RNPEPL1: variants seen among roughly 807,000 people sequenced by gnomAD.
RNPEPL1 encodes the protein aminopeptidase RNPEPL1.
A neutral mutation model predicts 69.0 loss-of-function variants in RNPEPL1; 46 were observed. The observed-to-expected ratio is 0.67, with a 90% CI of 0.53 to 0.85. The LOEUF (loss-of-function observed/expected upper bound fraction) is 0.85. RNPEPL1 is among the 40% of genes least tolerant of loss of function. The pLI is 0.00. For synonymous variants in RNPEPL1, 525 were observed against 454.1 expected, an observed-to-expected ratio of 1.16 and a Z score of -1.98; for missense variants, 869 against 992.5, an observed-to-expected ratio of 0.88 and a Z score of 1.67.
intron 4 of RNPEPL1, 105 bp downstream of exon 4, chr2:240,573,996 A>G: frequency 2.2e-6 from 3 of 1,368,568 alleles, no homozygotes; most frequent in Non-Finnish European, 3.0e-6. Flanking sequence ...CTGGGGAGGA[A>G]GCGGAGCTCA....
At position 240,573,360 on chromosome 2, in the gene RNPEPL1, C is replaced by G. The variant is rs2093027991; in HGVS notation, c.821+99C>G. ...TGTCCACGGCTGCCCTGCTGAGGAC[C>G]CCCACTGGCCTCTGGGTGCTCTGGG... On this transcript the variant is annotated intron_variant, in intron 3 of 10. Coordinates refer to ENST00000270357, the MANE Select transcript of RNPEPL1 (RefSeq NM_018226.6). 6 of 1,350,630 alleles carry G rather than the reference C, an allele frequency of 4.4e-6. No individual in the cohort carries two copies. In the African/African-American group the frequency reaches 4.5e-5, roughly 10 times the overall value. The allele number at this position is 1,350,630 out of a possible 1,614,324, so 83.7% of individuals were successfully genotyped here.
chr2:240,572,106 G>T (rs961169945), intron 1 of RNPEPL1, among the ~76,000 whole-genome samples: 1 of 152,268 alleles, frequency 6.6e-6, no homozygotes, highest in Non-Finnish European at 1.5e-5. Context: ...GCAATGATGG[G>T]CTATTCCCTT....
At position 240,568,864 on chromosome 2, in the gene RNPEPL1, C is replaced by G; in HGVS notation, c.278C>G (p.Ala93Gly). ...LRLHSAAFRR[A>G]PAAAAETPCA... ...CTGCACTCAGCCGCCTTCCGTCGCG[C>G]CCCCGCCGCCGCCGCCGAGACGCCC... is the stretch of plus-strand genomic sequence containing the variant. Residue 93 changes from alanine to glycine, a missense_variant, in exon 1 of 11, where the codon GCC becomes GGC. By Grantham distance (60) the Ala-to-Gly change is moderately conservative. Around this residue, in one of 2 missense-constraint regions of RNPEPL1, gnomAD observed 259 missense variants for 201.5 expected, o/e 1.29. Transcript: ENST00000270357. The surrounding 1 kb of genome is among the most constrained non-coding windows in gnomAD (Gnocchi z 6.2). The G allele has an allele frequency of 1.7e-6, 2 of 1,206,008 alleles. No homozygotes were observed. The highest frequency in any genetic ancestry group is 2.1e-6 in the Non-Finnish European group (2 of 966,652). The allele number at this position is 1,206,008 out of a possible 1,614,324, so 74.7% of individuals were successfully genotyped here. A position where few individuals can be genotyped will look rare whatever the true frequency, so the allele number is the denominator to read the frequency against.
At position 240,576,909 on chromosome 2, in the gene RNPEPL1, C is replaced by T; in HGVS notation, c.1803C>T (p.Ile601=). The change falls in exon 10 of 11, where the codon ATC becomes ATT. Residue 601 remains isoleucine (I), a synonymous_variant. Transcript: ENST00000270357. ...TGCTGGACTCGATGAACGCTGAGAT[C>T]CGCATCCGCTGGCTGCAGATTGTGG... The part of the protein sequence containing the change: ...SSLLDSMNAE[I]RIRWLQIVVR... The T allele has an allele frequency of 2.5e-6, 4 of 1,613,498 alleles. No individual in the cohort carries two copies. The highest frequency in any genetic ancestry group is 3.4e-6 in the Non-Finnish European group (4 of 1,179,986).
At position 240,575,486 on chromosome 2, in the gene RNPEPL1, C is replaced by T. The variant is rs748965626; in HGVS notation, c.1402-16C>T. 9 of 1,606,322 alleles carry T rather than the reference C, an allele frequency of 5.6e-6. No homozygotes were observed. Among genetic ancestry groups the T allele is most frequent in the Non-Finnish European group, 6.8e-6 (8 of 1,173,892 alleles). On this transcript the variant is annotated splice_polypyrimidine_tract_variant and intron_variant, in intron 7 of 10. Coordinates refer to ENST00000270357, the MANE Select transcript of RNPEPL1 (RefSeq NM_018226.6). ...CACCCTTCCAGGCCTGCTGAGGCCC[C>T]ACCTCTGCCACACAGGCCTATGTGG... is the stretch of plus-strand genomic sequence containing the variant.
Position 240,572,434 on chromosome 2 carries a change from GGACCCAGAGCT to G in RNPEPL1, c.545_555del (p.Pro182LeufsTer118). On this transcript the variant is annotated frameshift_variant, in exon 2 of 11. Coordinates refer to ENST00000270357, the MANE Select transcript of RNPEPL1 (RefSeq NM_018226.6). LOFTEE classifies it high-confidence loss of function. ...CATCCTGCCCACAGATCTGGTGGCTGGACCCAGAGCTGACCTATGGCTGCGCCAAGCCCTTC... is the reference window on the plus strand; with the variant it reads ...CATCCTGCCCACAGATCTGGTGGCTGGACCTATGGCTGCGCCAAGCCCTTC... 6.5e-7 allele frequency: 1 copy of G among 1,536,158 alleles called. No homozygotes were observed. Among genetic ancestry groups the G allele is most frequent in the Non-Finnish European group, 8.7e-7 (1 of 1,146,808 alleles).
At position 240,572,478 on chromosome 2, in the gene RNPEPL1, C is replaced by T; in HGVS notation, c.584C>T (p.Thr195Ile). Reference sequence around the variant, plus strand: ...GGCTGCGCCAAGCCCTTCGTCTTCACCCAGGGCCACTCCGTGTGCAACCGC... The same window carrying T: ...GGCTGCGCCAAGCCCTTCGTCTTCATCCAGGGCCACTCCGTGTGCAACCGC... ...TYGCAKPFVF[T>I]QGHSVCNRSF... The change falls in exon 2 of 11, where the codon ACC (threonine) becomes ATC (isoleucine). Residue 195 changes from threonine (T) to isoleucine (I), a missense_variant. Thr to Ile is a moderately conservative substitution (Grantham distance 89). Transcript: ENST00000270357. The T allele has an allele frequency of 6.5e-7, 1 of 1,536,274 alleles. No homozygotes were observed. Among genetic ancestry groups the T allele is most frequent in the Non-Finnish European group, 8.7e-7 (1 of 1,146,874 alleles).
At chr2:240,575,384 C>T (rs2093034653) in intron 7 of RNPEPL1, 118 bp from the exon 8 acceptor site, 4 of 908,682 alleles carry the variant, frequency 4.4e-6, no homozygotes, top group Non-Finnish European at 7.1e-6. Context: ...TGCCCACTAG[C>T]TGCCCCTGTG....
In RNPEPL1 at chr2:240,574,749, C is replaced by T. The variant is rs970139345; in HGVS notation, c.1288+121C>T. The stretch of plus-strand genomic sequence containing the variant: ...TCCTGCACTGTGCCTGGACCCCTGC[C>T]AAGGCCAAGCTGGGAGCCCCTGGCC... On this transcript the variant is annotated intron_variant, in intron 6 of 10. Coordinates refer to ENST00000270357, the MANE Select transcript of RNPEPL1 (RefSeq NM_018226.6). 3 of 920,124 alleles carry T rather than the reference C, an allele frequency of 3.3e-6. No individual in the cohort carries two copies. The East Asian group carries it at 7.9e-5, about 24-fold the overall frequency. 57.0% of individuals were successfully genotyped at this position (920,124 alleles called of 1,614,324 possible).
Position 240,578,051 on chromosome 2 carries a change from A to ACCT in RNPEPL1, c.*163_*165dup. On this transcript the variant is annotated 3_prime_UTR_variant, in exon 11 of 11. Coordinates refer to ENST00000270357, the MANE Select transcript of RNPEPL1 (RefSeq NM_018226.6). ...CCAGGCAGGGAGAATGGGGAGAGGG[A>ACCT]CCTCCTTGTGTCTGGCAGAGACCTG... The ACCT allele has an allele frequency of 1.5e-6, 1 of 660,620 alleles. No homozygotes were observed. Among genetic ancestry groups the ACCT allele is most frequent in the Non-Finnish European group, 2.3e-6 (1 of 431,178 alleles). The allele number at this position is 660,620 out of a possible 1,614,324, so 40.9% of individuals were successfully genotyped here.
chr2:240,574,382 G>A (rs1386984494), intron 5 of RNPEPL1, 34 bp downstream of exon 5: 2 of 1,578,012 alleles, frequency 1.3e-6, no homozygotes, highest in East Asian at 2.3e-5. Flanking sequence ...AGCCACGGGG[G>A]GCCCTGGGCA....
chr2:240,575,204 A>G, intron 7 of RNPEPL1, 62 bp downstream of exon 7: 1 of 1,329,730 alleles, frequency 7.5e-7, no homozygotes, highest in African/African-American at 1.4e-5. Flanking sequence ...TCCCCGGCTC[A>G]CAGGGCTGCC....
At chr2:240,572,586 C>T in intron 2 of RNPEPL1, 23 bp downstream of exon 2, 1 of 1,535,682 alleles carries the variant, frequency 6.5e-7, no homozygotes, top group South Asian at 1.2e-5. Context: ...CAGCTGCCGT[C>T]ACCTTGCTCC....
At chr2:240,575,376 C>A in intron 7 of RNPEPL1, 126 bp from the exon 8 acceptor site, 1 of 869,142 alleles carries the variant, frequency 1.2e-6, no homozygotes, top group Non-Finnish European at 1.9e-6. Context: ...CTCCGCAGTG[C>A]CCACTAGCTG....
chr2:240,578,549 G>GAGA lies in RNPEPL1; in HGVS notation c.*657_*658insAGA. The GAGA allele has an allele frequency of 6.6e-6, 1 of 152,548 alleles. No homozygotes were observed. The highest frequency in any genetic ancestry group is 1.9e-4 in the East Asian group (1 of 5,238). The allele number at this position is 152,548 out of a possible 1,614,324, so 9.4% of individuals were successfully genotyped here. On this transcript the variant is annotated 3_prime_UTR_variant, in exon 11 of 11. Transcript: ENST00000270357. ...GGGACAGGACAGCCTGTCTCTTGTA[G>GAGA]CTTCCTGGGGTGGGAGGCACAGGGG...
chr2:240,577,055 C>A, intron 10 of RNPEPL1, 65 bp downstream of exon 10: 1 of 1,583,378 alleles, frequency 6.3e-7, no homozygotes, highest in Non-Finnish European at 8.6e-7. Flanking sequence ...GAGTCCCACC[C>A]GACTCCCTAG....
intron 6 of RNPEPL1, 188 bp from the exon 7 acceptor site, chr2:240,574,842 G>T (rs561331310): frequency 1.1e-5 from 7 of 659,548 alleles, no homozygotes; most frequent in African/African-American, 1.8e-5. Flanking sequence ...AGTCACAGTG[G>T]TGTGTGAGTC....
intron 6 of RNPEPL1, 138 bp downstream of exon 6, chr2:240,574,766 C>T (rs1003169417): frequency 2.6e-5 from 21 of 821,074 alleles, no homozygotes; most frequent in African/African-American, 2.2e-4. Flanking sequence ...AAGCTGGGAG[C>T]CCCTGGCCAG....
chr2:240,572,698 C>T, intron 2 of RNPEPL1, 135 bp downstream of exon 2: 1 of 1,165,476 alleles, frequency 8.6e-7, no homozygotes, highest in African/African-American at 1.5e-5. Context: ...CAGGAGCCCA[C>T]CCTCCCTACT....
Sources: gnomAD v4.1 joint callset for allele counts (sites outside exome capture counted in the v4.1 genomes callset) on GRCh38, gnomAD v4.1.1 for gene constraint, gnomAD v4.1.1 regional missense constraint, Gnocchi (gnomAD v3.1) non-coding constraint, MANE v1.5 for transcripts, NCBI Gene and HGNC (gene_info 2026-07-23, HGNC 2026-07-21) for gene names.